VWA3A: variants seen among roughly 807,000 people sequenced by gnomAD.
VWA3A encodes von Willebrand factor A domain containing 3A.
Under a neutral mutation model 160.4 loss-of-function variants are expected in VWA3A, and 134 were observed. The observed-to-expected ratio is 0.84, with a 90% CI of 0.73 to 0.96. The LOEUF is 0.96. Among genes scored for constraint, VWA3A ranks in the 40% least tolerant of loss-of-function variants. The pLI is 0.00. For missense variants in VWA3A, 1,310 were observed against 1,447.9 expected, an observed-to-expected ratio of 0.90 and a Z score of 1.55; for synonymous variants, 476 against 543.4, an observed-to-expected ratio of 0.88 and a Z score of 1.72.
chr16:22,108,487 A>AT (rs1257163873), intron 6 of VWA3A, among the ~76,000 whole-genome samples: 2 of 152,058 alleles, frequency 1.3e-5, no homozygotes, highest in South Asian at 2.1e-4. Context: ...GCATGGAAAG[A>AT]TTTTTTTTAA....
intron 11 of VWA3A, among the ~76,000 whole-genome samples, chr16:22,117,543 A>G (rs538081686): frequency 3.9e-5 from 6 of 152,108 alleles, no homozygotes; most frequent in Non-Finnish European, 8.8e-5. Context: ...AATTGCCTCG[A>G]TTTTCTCTCC....
At chr16:22,112,494 G>A (rs1271663870) in intron 8 of VWA3A, among the ~76,000 whole-genome samples, 4 of 152,180 alleles carry the variant, frequency 2.6e-5, no homozygotes, top group African/African-American at 9.7e-5. Context: ...CAAGGTGGGA[G>A]GATCGCTTGA....
chr16:22,134,172 T>C (rs893940111), intron 20 of VWA3A, among the ~76,000 whole-genome samples, 196 bp from the exon 21 acceptor site: 1 of 152,004 alleles, frequency 6.6e-6, no homozygotes, highest in African/African-American at 2.4e-5. Flanking sequence ...CTCACTATAT[T>C]GCCCAGGCTG....
At chr16:22,092,673 G>C in intron 1 of VWA3A, 22 bp downstream of exon 1, 3 of 1,550,682 alleles carry the variant, frequency 1.9e-6, no homozygotes, top group Non-Finnish European at 2.6e-6. Flanking sequence ...CATCACAAGG[G>C]TTGACAGGGG....
intron 23 of VWA3A, chr16:22,141,212 A>G: frequency 2.1e-6 from 1 of 481,110 alleles, no homozygotes; most frequent in South Asian, 1.5e-5. Flanking sequence ...GGTATGGCAG[A>G]GTGGCTCAGA....
At chr16:22,129,388 C>CAAAAA (rs1193879527) in intron 17 of VWA3A, among the ~76,000 whole-genome samples, 1 of 99,384 alleles carries the variant, frequency 1.0e-5, no homozygotes. Flanking sequence ...GACTCCATCT[C>CAAAAA]AAAAAAAAAA....
At chr16:22,143,753 T>C (rs1292198887) in intron 25 of VWA3A, among the ~76,000 whole-genome samples, 21 of 147,154 alleles carry the variant, frequency 1.4e-4, no homozygotes, top group Non-Finnish European at 1.8e-4. Context: ...TTCTTTCTTT[T>C]TTTTTTTTTT....
rs139811520 is a variant in VWA3A, at chr16:22,109,655, G to A, written c.582+75G>A. 3.4e-3 allele frequency: 4,570 copies of A among 1,325,288 alleles called. 12 individuals are homozygous for A. Among genetic ancestry groups the A allele is most frequent in the East Asian group, 4.4e-3 (191 of 43,390 alleles). The allele number at this position is 1,325,288 out of a possible 1,614,324, so 82.1% of individuals were successfully genotyped here. The stretch of plus-strand genomic sequence containing the variant: ...GCCTTTCCTTCCTGAGCTTGCTGAC[G>A]AGCTTGTTTATAGCAAATGCAAGAT... On this transcript the variant is annotated intron_variant, in intron 7 of 33. Transcript: ENST00000389398.
intron 17 of VWA3A, among the ~76,000 whole-genome samples, chr16:22,129,744 C>T (rs1283187572): frequency 2.6e-5 from 4 of 152,100 alleles, no homozygotes; most frequent in African/African-American, 9.7e-5. Context: ...CAATCAAAGG[C>T]AGCACTTGGA....
At chr16:22,107,061 G>A (rs2045492668) in intron 6 of VWA3A, among the ~76,000 whole-genome samples, 1 of 152,206 alleles carries the variant, frequency 6.6e-6, no homozygotes, top group Non-Finnish European at 1.5e-5. Context: ...AAGCGGAGCA[G>A]GATGTTGGGT....
At chr16:22,115,499 C>A (rs1191957647) in intron 9 of VWA3A, 27 bp downstream of exon 9, 7 of 1,581,462 alleles carry the variant, frequency 4.4e-6, no homozygotes, top group Middle Eastern at 1.7e-4. Context: ...AAGCAGGTGA[C>A]ATACTACATG....
In VWA3A at chr16:22,116,791, A is replaced by G. The variant is rs1275485376; in HGVS notation, c.848A>G (p.Tyr283Cys). 6.2e-7 allele frequency: 1 copy of G among 1,613,536 alleles called. No individual in the cohort carries two copies. The highest frequency in any genetic ancestry group is 1.1e-5 in the South Asian group (1 of 91,080). The change falls in exon 10 of 34, where the codon TAC (tyrosine) becomes TGC (cysteine). Residue 283 changes from tyrosine (Y) to cysteine (C), a missense_variant. Physicochemically the swap from Tyr to Cys is radical, Grantham distance 194 (BLOSUM62 -2). Transcript: ENST00000389398. ...PDQPSEILSD[Y>C]IQQSTMGRDL... ...CAGCCTTCTGAAATCCTGTCTGACT[A>G]CATCCAGCAGTCCACCATGGGAAGA... is the stretch of plus-strand genomic sequence containing the variant.
At chr16:22,147,702 C>A in intron 27 of VWA3A, 2 of 701,268 alleles carry the variant, frequency 2.9e-6, no homozygotes, top group South Asian at 3.0e-5. Flanking sequence ...TCTCTCCACC[C>A]TCGGTTCACA....
At chr16:22,154,762 G>A (rs962538121) in intron 31 of VWA3A, among the ~76,000 whole-genome samples, 1 of 149,714 alleles carries the variant, frequency 6.7e-6, no homozygotes, top group African/African-American at 2.5e-5. Context: ...AGACCATCCT[G>A]GCTAACAAGG....
chr16:22,143,141 C>T (rs1423618577), intron 25 of VWA3A, among the ~76,000 whole-genome samples: 4 of 144,234 alleles, frequency 2.8e-5, no homozygotes, highest in Non-Finnish European at 6.0e-5. Context: ...CAGAGCAAGA[C>T]TCTGTCTCAA....
rs763564435 is a variant in VWA3A at position 22,092,556 on chromosome 16, G to A, written c.-82G>A. The stretch of plus-strand genomic sequence containing the variant: ...CTTCGCTGCTGAGTTGCTTGGAGGA[G>A]CTTGGAGAAACCAGAAGTGAGATCC... On this transcript the variant is annotated 5_prime_UTR_variant, in exon 1 of 34. Coordinates refer to ENST00000389398, the MANE Select transcript of VWA3A (RefSeq NM_173615.5). The A allele has an allele frequency of 1.5e-5, 23 of 1,531,262 alleles. No individual in the cohort carries two copies. In the East Asian group the frequency reaches 2.5e-4, roughly 16 times the overall value. 94.9% of individuals were successfully genotyped at this position (1,531,262 alleles called of 1,614,324 possible). A position where few individuals can be genotyped will look rare whatever the true frequency, so the allele number is the denominator to read the frequency against.
intron 3 of VWA3A, among the ~76,000 whole-genome samples, chr16:22,099,987 A>C (rs1421833353): frequency 1.3e-5 from 2 of 152,128 alleles, no homozygotes; most frequent in African/African-American, 4.8e-5. Context: ...AGGCAGGAGA[A>C]TCACTTGAAC....
rs1018327528 is a variant in VWA3A, at chr16:22,154,934, C to T, written c.3406-633C>T. Among the ~76,000 whole-genome samples the T allele has an allele frequency of 1.3e-4, 15 of 118,570 alleles. 1 individual carries two copies. Among genetic ancestry groups the T allele is most frequent in the South Asian group, 5.7e-4 (2 of 3,486 alleles). 77.8% of individuals were successfully genotyped at this position (118,570 alleles called of 152,430 possible). On this transcript the variant is annotated intron_variant, in intron 31 of 33. Transcript: ENST00000389398. ...GCGCCACTGCAGTCCGCAGTCCGGC[C>T]TGGGCGACAGAGCGAGACTCCGTCT...
At chr16:22,121,226 A>G (rs2045729444) in intron 13 of VWA3A, 123 bp downstream of exon 13, 7 of 1,444,094 alleles carry the variant, frequency 4.8e-6, no homozygotes, top group Non-Finnish European at 5.7e-6. Flanking sequence ...AGGAAGGATC[A>G]GTTGAGGCCA....
Sources: allele counts gnomAD v4.1 joint callset (sites outside exome capture counted in the v4.1 genomes callset), GRCh38; gene constraint gnomAD v4.1.1; transcripts MANE v1.5; gene names NCBI Gene and HGNC (gene_info 2026-07-23, HGNC 2026-07-21).